Variants in ARSG observed in about 807,000 individuals in gnomAD.
ARSG encodes the protein ASG.
Under a neutral mutation model 50.5 loss-of-function variants are expected in ARSG, and 37 were observed. The ratio of observed to expected loss-of-function variants is 0.73; its 90% confidence interval spans 0.56 to 0.96. The LOEUF (loss-of-function observed/expected upper bound fraction) is 0.96, where lower values mean the gene tolerates loss of function less well. Ranked by LOEUF, ARSG falls within the 50% of genes least tolerant of loss-of-function variation. The probability of loss-of-function intolerance (pLI) is 0.00; values close to 1 mark genes in which losing one functional copy is unlikely to be tolerated. For missense variants in ARSG, 629 were observed against 675.3 expected (o/e 0.93, Z 0.76); for synonymous variants, 225 against 254.6 (o/e 0.88, Z 1.11).
At chr17:68,321,960 G>A (rs1222668733) in intron 2 of ARSG, among the ~76,000 whole-genome samples, 9 of 152,172 alleles carry the variant, frequency 5.9e-5, no homozygotes, top group African/African-American at 1.9e-4. Context: ...ACAGTGGCCA[G>A]GAGGGGGAAA....
intron 2 of ARSG, among the ~76,000 whole-genome samples, chr17:68,341,115 C>G (rs1337331593): frequency 6.6e-6 from 1 of 152,114 alleles, no homozygotes; most frequent in African/African-American, 2.4e-5. Flanking sequence ...TTGTGGTTCT[C>G]TTTGTCCTTA....
the ARSG span, chr17:68,440,659 C>G: frequency 6.6e-6 from 1 of 151,840 alleles, no homozygotes; most frequent in African/African-American, 2.4e-5. Flanking sequence ...TCACTGGCAG[C>G]TATAATTCCA....
chr17:68,305,885 G>C (rs571291592), intron 1 of ARSG, among the ~76,000 whole-genome samples: 1 of 152,146 alleles, frequency 6.6e-6, no homozygotes, highest in Non-Finnish European at 1.5e-5. Flanking sequence ...AGACCAGCCT[G>C]GCCAACATGG....
the ARSG span, among the ~76,000 whole-genome samples, chr17:68,441,669 T>C: frequency 6.6e-4 from 101 of 152,120 alleles, 1 homozygote; most frequent in African/African-American, 2.3e-3. Flanking sequence ...GCGGAGTGAG[T>C]CTGACTGCCC....
intron 2 of ARSG, among the ~76,000 whole-genome samples, chr17:68,332,441 A>C (rs2077818293): frequency 6.6e-6 from 1 of 152,154 alleles, no homozygotes. Flanking sequence ...GGCGACATTC[A>C]TCCTCAGCTT....
chr17:68,383,513 A>G (rs1296464486), intron 8 of ARSG, among the ~76,000 whole-genome samples: 1 of 152,228 alleles, frequency 6.6e-6, no homozygotes, highest in East Asian at 1.9e-4. Flanking sequence ...GCAGATAAAC[A>G]GGCTCCCCGT....
intron 5 of ARSG, among the ~76,000 whole-genome samples, chr17:68,353,630 C>T (rs1173258837): frequency 6.6e-6 from 1 of 152,214 alleles, no homozygotes; most frequent in Non-Finnish European, 1.5e-5. Flanking sequence ...CTGGGCATAC[C>T]TGTAATCACA....
intron 2 of ARSG, among the ~76,000 whole-genome samples, chr17:68,340,616 A>G (rs2078226647): frequency 6.6e-6 from 1 of 152,054 alleles, no homozygotes; most frequent in African/African-American, 2.4e-5. Context: ...CATTGTCCCA[A>G]GTTTGGCCAG....
chr17:68,435,985 C>T, the ARSG span, among the ~76,000 whole-genome samples: 2 of 152,238 alleles, frequency 1.3e-5, no homozygotes, highest in African/African-American at 4.8e-5. Context: ...GTCGCAGGCG[C>T]GCCCTGCACG....
chr17:68,430,183 C>T, the ARSG span: 25 of 1,600,712 alleles, frequency 1.6e-5, no homozygotes, highest in African/African-American at 1.1e-4. Context: ...GCACAGGCAA[C>T]GATGGGACTG....
At chr17:68,368,466 T>C in intron 6 of ARSG, 82 bp from the exon 7 acceptor site, 12 of 1,332,856 alleles carry the variant, frequency 9.0e-6, no homozygotes, top group Non-Finnish European at 1.3e-5. Context: ...GGGATTTTCC[T>C]GGAGGAGAGG....
intron 9 of ARSG, among the ~76,000 whole-genome samples, chr17:68,393,565 T>C (rs1196893138): frequency 5.3e-5 from 8 of 152,148 alleles, no homozygotes; most frequent in Non-Finnish European, 7.3e-5. Context: ...GGTGAAGTTC[T>C]TGACTTAATA....
At chr17:68,314,816 A>G (rs976325122) in intron 2 of ARSG, among the ~76,000 whole-genome samples, 2 of 152,228 alleles carry the variant, frequency 1.3e-5, no homozygotes, top group Admixed American at 6.5e-5. Context: ...TGTTACTAGA[A>G]ATGTCCAAAT....
intron 2 of ARSG, among the ~76,000 whole-genome samples, chr17:68,328,685 A>T (rs964733492): frequency 2.6e-5 from 4 of 152,164 alleles, no homozygotes; most frequent in Non-Finnish European, 5.9e-5. Flanking sequence ...GGTGATACGC[A>T]TGTGTCTGTT....
intron 1 of ARSG, among the ~76,000 whole-genome samples, chr17:68,298,931 TG>T (rs2076308071): frequency 1.3e-5 from 2 of 152,064 alleles, no homozygotes; most frequent in South Asian, 4.1e-4. Context: ...ATACAAATTT[TG>T]GGGGCACACA....
chr17:68,301,418 A>G lies in ARSG; in HGVS notation c.-551-5525A>G, dbSNP rs78757721. 2.4e-3 allele frequency among the ~76,000 whole-genome samples: 364 copies of G among 152,308 alleles called. 2 individuals carry two copies. Among genetic ancestry groups the G allele is most frequent in the Middle Eastern group, 0.01 (3 of 294 alleles). On this transcript the variant is annotated intron_variant, in intron 1 of 11. Coordinates refer to ENST00000621439, the MANE Select transcript of ARSG (RefSeq NM_001267727.2). ...CCTGGATGGACTAGGGTGAGGCAACATGTAAGGAAGTGCTCACTGCCCAGG... is the reference window on the plus strand; with the variant it reads ...CCTGGATGGACTAGGGTGAGGCAACGTGTAAGGAAGTGCTCACTGCCCAGG...
intron 1 of ARSG, chr17:68,277,991 A>T: frequency 2.6e-6 from 2 of 759,216 alleles, no homozygotes; most frequent in East Asian, 5.3e-5. Context: ...CGTATAAGGG[A>T]ATGAAAGCAT....
At position 68,343,619 on chromosome 17, in the gene ARSG, T is replaced by C. The variant is rs901232129; in HGVS notation, c.234T>C (p.His78=). The C allele has an allele frequency of 1.9e-6, 3 of 1,610,364 alleles. No homozygotes were observed. In the African/African-American group the frequency reaches 4.0e-5, roughly 22 times the overall value. The change falls in exon 3 of 12, where the codon CAT becomes CAC. Residue 78 remains histidine (H), a synonymous_variant. Transcript: ENST00000621439. ...ASEGMRFVDF[H]AAASTCSPSR... is the part of the protein sequence containing the mutation. Reference sequence around the variant, plus strand: ...TTCCCTGCAGGTTTGTGGATTTCCATGCAGCTGCCTCCACCTGCTCACCCT... The same window carrying C: ...TTCCCTGCAGGTTTGTGGATTTCCACGCAGCTGCCTCCACCTGCTCACCCT...
chr17:68,446,509 C>T, the ARSG span, among the ~76,000 whole-genome samples: 2 of 152,088 alleles, frequency 1.3e-5, no homozygotes, highest in Non-Finnish European at 2.9e-5. Flanking sequence ...AAGGCTCTGT[C>T]GTAGGTCTGA....
Sources: allele counts gnomAD v4.1 joint callset (sites outside exome capture counted in the v4.1 genomes callset), GRCh38; gene constraint gnomAD v4.1.1; transcripts MANE v1.5; gene names NCBI Gene and HGNC (gene_info 2026-07-23, HGNC 2026-07-21).